The following IL12RB1 variants were observed in gnomAD, a reference collection of about 807,000 sequenced individuals.
The protein encoded by IL12RB1 is interleukin 12 receptor subunit beta 1.
In IL12RB1, 64 loss-of-function variants were observed where a neutral mutation model predicts 94.4. The observed-to-expected ratio is 0.68, with a 90% CI of 0.55 to 0.83. IL12RB1 has a LOEUF of 0.83. Among genes scored for constraint, IL12RB1 ranks in the 40% least tolerant of loss-of-function variants. The pLI is 0.00. For missense variants in IL12RB1, 814 were observed against 855.6 expected (o/e 0.95, Z 0.61); for synonymous variants, 362 against 355.5 (o/e 1.02, Z -0.21).
intron 9 of IL12RB1, chr19:18,071,458 G>A (rs985615443): frequency 1.1e-4 from 47 of 430,606 alleles, no homozygotes; most frequent in Admixed American, 7.6e-5. Flanking sequence ...AGGGTGGAGC[G>A]CAGTGGCTCA....
chr19:18,069,985 G>C (rs977765336), intron 9 of IL12RB1, among the ~76,000 whole-genome samples: 1 of 151,894 alleles, frequency 6.6e-6, no homozygotes, highest in Non-Finnish European at 1.5e-5. Context: ...GCATGATCTC[G>C]GCTCCCTGCA....
upstream of IL12RB1, among the ~76,000 whole-genome samples, chr19:18,090,397 GC>G (rs1192284650): frequency 3.9e-5 from 6 of 152,092 alleles, no homozygotes; most frequent in Non-Finnish European, 8.8e-5. Flanking sequence ...GAAAGTCATG[GC>G]CCCCTCCTGA....
rs2037108854 is a variant in IL12RB1 at position 18,097,853 on chromosome 19, G to A, written c.-230+902C>T. Reference sequence around the variant, plus strand: ...CCAGGTGAGGCCCCTGCGCGGGCGGGCGGAAGGCAGAGGGCGCGGCCAAGT... The same window carrying A: ...CCAGGTGAGGCCCCTGCGCGGGCGGACGGAAGGCAGAGGGCGCGGCCAAGT... On this transcript the variant is annotated intron_variant, in intron 1 of 4. Transcript: ENST00000594176. 9.8e-6 allele frequency: 12 copies of A among 1,227,838 alleles called. No homozygotes were observed. The South Asian group carries it at 4.1e-4, about 42-fold the overall frequency. The allele number at this position is 1,227,838 out of a possible 1,614,324, so 76.1% of individuals were successfully genotyped here. A position where few individuals can be genotyped will look rare whatever the true frequency, so the allele number is the denominator to read the frequency against.
chr19:18,077,332 A>G (rs536688499), intron 5 of IL12RB1, among the ~76,000 whole-genome samples, 184 bp downstream of exon 5: 2 of 152,168 alleles, frequency 1.3e-5, no homozygotes, highest in South Asian at 4.1e-4. Context: ...ACTGCACTCC[A>G]GCCTGGGCGA....
intron 7 of IL12RB1, among the ~76,000 whole-genome samples, chr19:18,075,252 C>CTTTTTTTTTTTTTTTTTTT (rs71164363): frequency 3.8e-5 from 5 of 132,970 alleles, no homozygotes; most frequent in South Asian, 4.7e-4. Flanking sequence ...TTTATTATTA[C>CTTTTTTTTTTTTTTTTTTT]TTTTTTTTTT....
At chr19:18,092,680 A>G (rs1421516450) in intron 1 of IL12RB1, among the ~76,000 whole-genome samples, 1 of 151,110 alleles carries the variant, frequency 6.6e-6, no homozygotes, top group Non-Finnish European at 1.5e-5. Context: ...GAAAAAAAAA[A>G]AAAAAAAGAA....
rs114512136 is a variant in IL12RB1 at position 18,084,379 on chromosome 19, C to A, written c.65-888G>T. Among the ~76,000 whole-genome samples the A allele has an allele frequency of 7.5e-3, 1,128 of 150,652 alleles. 14 individuals carry two copies. The highest frequency in any genetic ancestry group is 0.025 in the African/African-American group (1,032 of 40,708). On this transcript the variant is annotated intron_variant, in intron 1 of 16. Transcript: ENST00000593993. ...CCACCCATTTATCCGTCCATTCGTC[C>A]ATTCATCCATCCATCCATGTATTAA...
At chr19:18,083,758 AT>A in intron 1 of IL12RB1, among the ~76,000 whole-genome samples, 1 of 150,896 alleles carries the variant, frequency 6.6e-6, no homozygotes, top group East Asian at 1.9e-4. Flanking sequence ...CCATCCATCC[AT>A]CCATCCATCC....
intron 1 of IL12RB1, among the ~76,000 whole-genome samples, chr19:18,084,719 A>G (rs1451471395): frequency 2.0e-5 from 3 of 152,210 alleles, no homozygotes. Context: ...ACATGTATTT[A>G]TTAATTCATC....
intron 13 of IL12RB1, 82 bp downstream of exon 13, chr19:18,063,794 G>T: frequency 7.6e-7 from 1 of 1,312,080 alleles, no homozygotes; most frequent in Non-Finnish European, 1.1e-6. Flanking sequence ...GTGAGAGTGA[G>T]GGCAGGGCTG....
chr19:18,081,997 C>T (rs2035944916), intron 3 of IL12RB1, among the ~76,000 whole-genome samples, 153 bp downstream of exon 3: 2 of 152,094 alleles, frequency 1.3e-5, no homozygotes, highest in African/African-American at 4.8e-5. Context: ...CCACCACAAT[C>T]CTCCAACTCT....
intron 4 of IL12RB1, among the ~76,000 whole-genome samples, chr19:18,080,288 G>C (rs572316250): frequency 7.9e-5 from 12 of 152,166 alleles, no homozygotes; most frequent in African/African-American, 2.6e-4. Context: ...CGCCAGGCAG[G>C]AGTGCAGTGG....
At position 18,066,546 on chromosome 19, in the gene IL12RB1, C is replaced by A; in HGVS notation, c.1479G>T (p.Val493=). ...GGTCTGCACTGCCTCACGTACCTGACACCTGTTTGCTGTCTTCATCTCGGC... is the reference window on the plus strand; with the variant it reads ...GGTCTGCACTGCCTCACGTACCTGAAACCTGTTTGCTGTCTTCATCTCGGC... The part of the protein sequence containing the change: ...VRCRDEDSKQ[V]SEHPVQPTET... Residue 493 remains valine (V), a synonymous_variant, in exon 12 of 17, where the codon GTG becomes GTT. Transcript: ENST00000593993. 6.2e-7 allele frequency: 1 copy of A among 1,612,280 alleles called. No homozygotes were observed. The highest frequency in any genetic ancestry group is 8.5e-7 in the Non-Finnish European group (1 of 1,178,618).
At chr19:18,070,386 G>C (rs910419961) in intron 9 of IL12RB1, among the ~76,000 whole-genome samples, 2 of 152,248 alleles carry the variant, frequency 1.3e-5, no homozygotes, top group African/African-American at 2.4e-5. Flanking sequence ...GCCTAGCCTA[G>C]GCGGAGAGTG....
rs1159627144 is a variant in IL12RB1, at chr19:18,080,883, T to A, written c.358A>T (p.Arg120Trp). Residue 120 changes from arginine (R) to tryptophan (W), a missense_variant, in exon 4 of 17, where the codon AGG (arginine) becomes TGG (tryptophan). By Grantham distance (101) the Arg-to-Trp change is moderately radical (BLOSUM62 -3). Transcript: ENST00000593993. ...TCAGGAGACTTCTCTGTCTGGTTCC[T>A]GGCCCAGGATTCCACCCAGAGTGTG... is the stretch of plus-strand genomic sequence containing the variant. ...TVTLWVESWA[R>W]NQTEKSPEVT... The A allele has an allele frequency of 1.9e-6, 3 of 1,612,564 alleles. No individual in the cohort carries two copies. Among genetic ancestry groups the A allele is most frequent in the Non-Finnish European group, 2.5e-6 (3 of 1,178,592 alleles).
rs367918509 is a variant in IL12RB1, at chr19:18,097,088, G to A, written c.-230+1667C>T. Among the ~76,000 whole-genome samples, 148 of 152,224 alleles carry A rather than the reference G, an allele frequency of 9.7e-4. 1 individual carries two copies. Among genetic ancestry groups the A allele is most frequent in the African/African-American group, 3.4e-3 (143 of 41,536 alleles). On this transcript the variant is annotated intron_variant, in intron 1 of 4. Coordinates refer to the IL12RB1 transcript ENST00000594176. ...TCTCTTGATGGCTGAGTTTTGTGGGGCCACCTTAAATTTTGCACAGGGGTG... is the reference window on the plus strand; with the variant it reads ...TCTCTTGATGGCTGAGTTTTGTGGGACCACCTTAAATTTTGCACAGGGGTG...
At chr19:18,061,596 A>G (rs2146085377) in intron 14 of IL12RB1, among the ~76,000 whole-genome samples, 1 of 152,198 alleles carries the variant, frequency 6.6e-6, no homozygotes, top group Middle Eastern at 3.4e-3. Flanking sequence ...ATGACCAAGG[A>G]CCCAAAAGTT....
At chr19:18,073,885 T>G (rs1174279380) in intron 7 of IL12RB1, among the ~76,000 whole-genome samples, 1 of 152,236 alleles carries the variant, frequency 6.6e-6, no homozygotes, top group Non-Finnish European at 1.5e-5. Context: ...AGTGCACTGG[T>G]GCGATCTCGG....
At chr19:18,067,748 T>C (rs1401436191) in intron 11 of IL12RB1, among the ~76,000 whole-genome samples, 1 of 152,248 alleles carries the variant, frequency 6.6e-6, no homozygotes, top group Non-Finnish European at 1.5e-5. Context: ...GGTTGTATGA[T>C]TGCAGTGGTG....
Sources: gnomAD v4.1 joint callset for allele counts (sites outside exome capture counted in the v4.1 genomes callset) on GRCh38, gnomAD v4.1.1 for gene constraint, MANE v1.5 for transcripts, NCBI Gene and HGNC (gene_info 2026-07-23, HGNC 2026-07-21) for gene names.